Variants in CFAP20DC observed in about 807,000 individuals in gnomAD.
CFAP20DC encodes protein CFAP20DC.
A neutral mutation model predicts 101.7 loss-of-function variants in CFAP20DC; 84 were observed. That is an observed-to-expected ratio of 0.83 (90% CI 0.69 to 0.99). The LOEUF is 0.99. CFAP20DC is among the 50% of genes least tolerant of loss of function. The probability of loss-of-function intolerance (pLI) is 0.00; values close to 1 mark genes in which losing one functional copy is unlikely to be tolerated. For synonymous variants in CFAP20DC, 359 were observed against 351.2 expected (o/e 1.02, Z -0.25); for missense variants, 1,007 against 970.3 (o/e 1.04, Z -0.50).
chr3:58,764,538 C>T (rs527513101), intron 15 of CFAP20DC, among the ~76,000 whole-genome samples: 2 of 152,324 alleles, frequency 1.3e-5, no homozygotes, highest in East Asian at 3.9e-4. Context: ...ACTGCACCCA[C>T]TGTCCGATAC....
intron 1 of CFAP20DC, among the ~76,000 whole-genome samples, 191 bp from the exon 2 acceptor site, chr3:59,047,445 G>T (rs1699950075): frequency 6.6e-6 from 1 of 151,986 alleles, no homozygotes; most frequent in South Asian, 2.1e-4. Flanking sequence ...GATCACCTTG[G>T]ATTAATGGTT....
chr3:58,867,916 G>A lies in CFAP20DC; in HGVS notation c.1036C>T (p.His346Tyr). The A allele has an allele frequency of 6.2e-7, 1 of 1,612,394 alleles. No homozygotes were observed. The highest frequency in any genetic ancestry group is 2.2e-5 in the East Asian group (1 of 44,818). ...PIHAANLHIM[H>Y]PHPPQEPSAD... The stretch of plus-strand genomic sequence containing the variant: ...GATGGTTCTTGAGGGGGATGCGGAT[G>A]CATAATATGTAGATTGGCTGCTACA... The change falls in exon 10 of 17, where the codon CAT (histidine) becomes TAT (tyrosine). Residue 346 changes from histidine (H) to tyrosine (Y), a missense_variant. By Grantham distance (83) the His-to-Tyr change is moderately conservative (BLOSUM62 2). Coordinates refer to ENST00000482387, the MANE Select transcript of CFAP20DC (RefSeq NM_001394063.1).
rs2067465559 is a variant in CFAP20DC at position 58,721,005 on chromosome 3, C to G, written c.198-3377G>C. Among the ~76,000 whole-genome samples the G allele has an allele frequency of 6.6e-6, 1 of 152,126 alleles. No individual in the cohort carries two copies. Among genetic ancestry groups the G allele is most frequent in the South Asian group, 2.1e-4 (1 of 4,814 alleles). The stretch of plus-strand genomic sequence containing the variant: ...GAGGAGAAGCACTTGGTGGAAATCT[C>G]ATTTCCTCAAGAAAACCTCCTCAGA... On this transcript the variant is annotated intron_variant, in intron 3 of 3. Coordinates refer to the CFAP20DC transcript ENST00000486145. The surrounding 1 kb of genome is among the most constrained non-coding windows in gnomAD (Gnocchi z 5.2).
At chr3:59,017,049 T>C (rs1241107953) in intron 4 of CFAP20DC, among the ~76,000 whole-genome samples, 2 of 152,120 alleles carry the variant, frequency 1.3e-5, no homozygotes, top group Admixed American at 1.3e-4. Context: ...GTCTCTCTAG[T>C]AGCCAACTCT....
intron 4 of CFAP20DC, among the ~76,000 whole-genome samples, chr3:59,021,645 G>A (rs1333859713): frequency 2.0e-5 from 3 of 152,044 alleles, no homozygotes; most frequent in African/African-American, 4.8e-5. Flanking sequence ...TACACAGATT[G>A]AACCTGGTCA....
At chr3:58,770,269 T>C (rs1398297608) in intron 15 of CFAP20DC, among the ~76,000 whole-genome samples, 1 of 152,222 alleles carries the variant, frequency 6.6e-6, no homozygotes, top group East Asian at 1.9e-4. Context: ...CCTTTCCTTC[T>C]ATAGACTGTT....
Position 58,795,887 on chromosome 3 carries a change from T to G in CFAP20DC, c.2237+10508A>C, listed in dbSNP as rs1309710885. Reference sequence around the variant, plus strand: ...GAAAACTAGGAAACTCAGGTGGAAGTCCCAGTGGCCCAAAAGAGACCTGGT... The same window carrying G: ...GAAAACTAGGAAACTCAGGTGGAAGGCCCAGTGGCCCAAAAGAGACCTGGT... On this transcript the variant is annotated intron_variant, in intron 15 of 16. Coordinates refer to ENST00000482387, the MANE Select transcript of CFAP20DC (RefSeq NM_001394063.1). The surrounding 1 kb of genome is among the most constrained non-coding windows in gnomAD (Gnocchi z 4.2). 6.6e-6 allele frequency among the ~76,000 whole-genome samples: 1 copy of G among 152,138 alleles called. No homozygotes were observed. Among genetic ancestry groups the G allele is most frequent in the African/African-American group, 2.4e-5 (1 of 41,418 alleles).
At chr3:58,854,192 C>G (rs2078536255) in intron 12 of CFAP20DC, among the ~76,000 whole-genome samples, 1 of 151,916 alleles carries the variant, frequency 6.6e-6, no homozygotes, top group East Asian at 1.9e-4. Flanking sequence ...ACACCAACAA[C>G]AGACAAACAG....
chr3:59,027,036 T>C lies in CFAP20DC; in HGVS notation c.278+12521A>G, dbSNP rs751945127. ...TAAAAGAGTTAGCATTACCATTTAC[T>C]GTGAGGAAACGGAAACACCAAATTA... On this transcript the variant is annotated intron_variant, in intron 4 of 16. Transcript: ENST00000482387. Among the ~76,000 whole-genome samples, 8 of 152,174 alleles carry C rather than the reference T, an allele frequency of 5.3e-5. No individual in the cohort carries two copies. In the East Asian group the frequency reaches 9.6e-4, roughly 18 times the overall value.
Position 59,030,137 on chromosome 3 carries a change from T to G in CFAP20DC, c.278+9420A>C, listed in dbSNP as rs552617191. Reference sequence around the variant, plus strand: ...CCTCTCCCATTCTGACAATGAAAAATTTTAGAAGCCAGATACCTTTCTGTT... The same window carrying G: ...CCTCTCCCATTCTGACAATGAAAAAGTTTAGAAGCCAGATACCTTTCTGTT... On this transcript the variant is annotated intron_variant, in intron 4 of 16. Coordinates refer to ENST00000482387, the MANE Select transcript of CFAP20DC (RefSeq NM_001394063.1). Among the ~76,000 whole-genome samples the G allele has an allele frequency of 3.9e-5, 6 of 152,310 alleles. No homozygotes were observed. In the South Asian group the frequency reaches 1.2e-3, roughly 32 times the overall value.
intron 13 of CFAP20DC, among the ~76,000 whole-genome samples, chr3:58,846,610 A>G (rs1342106097): frequency 1.4e-3 from 207 of 151,586 alleles, no homozygotes; most frequent in African/African-American, 4.5e-3. Context: ...TACAGATTCA[A>G]TGCCATCCCC....
intron 3 of CFAP20DC, among the ~76,000 whole-genome samples, chr3:58,731,805 G>A (rs2067651071): frequency 6.6e-6 from 1 of 152,142 alleles, no homozygotes; most frequent in Admixed American, 6.5e-5. Context: ...CAGGAAGAAA[G>A]GCGCCATGAT....
rs1475334078 is a variant in CFAP20DC at position 58,874,603 on chromosome 3, G to A, written c.716-4294C>T. Among the ~76,000 whole-genome samples the A allele has an allele frequency of 1.3e-5, 2 of 152,088 alleles. No individual in the cohort carries two copies. The highest frequency in any genetic ancestry group is 2.9e-5 in the Non-Finnish European group (2 of 68,034). ...TCTTCCTGCCTACTAGAGTGTTTGT[G>A]TATGCTGTTCATGGCAAGAAGGCTT... On this transcript the variant is annotated intron_variant, in intron 7 of 16. Transcript: ENST00000482387. This position sits in a 1 kb window ranked among gnomAD's most constrained non-coding sequence, Gnocchi z 5.1.
chr3:58,817,746 T>A (rs2075304869), intron 14 of CFAP20DC, among the ~76,000 whole-genome samples: 1 of 151,718 alleles, frequency 6.6e-6, no homozygotes, highest in Admixed American at 6.6e-5. Flanking sequence ...ACTTCCCCAA[T>A]CTAGAAAGGC....
intron 3 of CFAP20DC, among the ~76,000 whole-genome samples, chr3:59,041,758 G>A (rs971027740): frequency 6.6e-6 from 1 of 151,966 alleles, no homozygotes; most frequent in Non-Finnish European, 1.5e-5. Flanking sequence ...TTAGTTATCT[G>A]TTCATCATGG....
rs2067610801 is a variant in CFAP20DC at position 58,729,860 on chromosome 3, A to G, written c.198-12232T>C. Among the ~76,000 whole-genome samples, 1 of 152,010 alleles carries G rather than the reference A, an allele frequency of 6.6e-6. No homozygotes were observed. Reference sequence around the variant, plus strand: ...ACGGAGAAACCCTGTCTCTACTAAAAATACAAAATTAGCAGGGCATGATGG... The same window carrying G: ...ACGGAGAAACCCTGTCTCTACTAAAGATACAAAATTAGCAGGGCATGATGG... On this transcript the variant is annotated intron_variant, in intron 3 of 3. Transcript: ENST00000486145. This position sits in a 1 kb window ranked among gnomAD's most constrained non-coding sequence, Gnocchi z 4.4.
chr3:58,887,797 C>T (rs2081781669), intron 6 of CFAP20DC, among the ~76,000 whole-genome samples: 1 of 152,184 alleles, frequency 6.6e-6, no homozygotes, highest in Admixed American at 6.5e-5. Context: ...TTGAGGGAAA[C>T]TGTGAGCAGT....
intron 6 of CFAP20DC, among the ~76,000 whole-genome samples, chr3:58,890,831 G>A (rs1440587352): frequency 8.0e-5 from 12 of 150,212 alleles, no homozygotes; most frequent in African/African-American, 2.2e-4. Context: ...ACGATGGGCC[G>A]CCGGGCAGAG....
Position 58,808,011 on chromosome 3 carries a change from A to T in CFAP20DC, c.2176-1555T>A, listed in dbSNP as rs571342234. Among the ~76,000 whole-genome samples, 3 of 152,330 alleles carry T rather than the reference A, an allele frequency of 2.0e-5. No homozygotes were observed. The East Asian group carries it at 5.8e-4, about 29-fold the overall frequency. On this transcript the variant is annotated intron_variant, in intron 14 of 16. Coordinates refer to ENST00000482387, the MANE Select transcript of CFAP20DC (RefSeq NM_001394063.1). ...AAATGAAGTGAGATGGGAAGTTTAG[A>T]GAAAAAAGAATAAAAAGAAATGAAC...
Sources: gnomAD v4.1 joint callset for allele counts (sites outside exome capture counted in the v4.1 genomes callset) on GRCh38, gnomAD v4.1.1 for gene constraint, Gnocchi (gnomAD v3.1) non-coding constraint, MANE v1.5 for transcripts, NCBI Gene and HGNC (gene_info 2026-07-23, HGNC 2026-07-21) for gene names.